The following GNB1L variants were observed in gnomAD, a reference collection of about 807,000 sequenced individuals.
GNB1L encodes guanine nucleotide-binding protein subunit beta-like protein 1.
In GNB1L, 20 loss-of-function variants were observed where a neutral mutation model predicts 29.1. That is an observed-to-expected ratio of 0.69 (90% CI 0.48 to 1.00). The LOEUF is 1.00. Ranked by LOEUF, GNB1L falls within the 50% of genes least tolerant of loss-of-function variation. The pLI is 0.00. For synonymous variants in GNB1L, 193 were observed against 206.5 expected, an observed-to-expected ratio of 0.93 and a Z score of 0.56; for missense variants, 421 against 464.9, an observed-to-expected ratio of 0.91 and a Z score of 0.87.
intron 7 of GNB1L, chr22:19,792,803 G>A (rs1419183409): frequency 2.2e-6 from 3 of 1,365,978 alleles, no homozygotes; most frequent in Non-Finnish European, 3.1e-6. Flanking sequence ...TTGTCTTCTT[G>A]CCTGCCTTGT....
At chr22:19,809,611 A>G (rs1158777418) in intron 5 of GNB1L, among the ~76,000 whole-genome samples, 1 of 151,966 alleles carries the variant, frequency 6.6e-6, no homozygotes, top group Non-Finnish European at 1.5e-5. Flanking sequence ...GTAAACATTC[A>G]CCCCTAGACA....
intron 7 of GNB1L, chr22:19,792,805 C>T: frequency 1.5e-6 from 2 of 1,359,222 alleles, no homozygotes; most frequent in Non-Finnish European, 2.1e-6. Context: ...GTCTTCTTGC[C>T]TGCCTTGTGT....
At chr22:19,851,640 G>C in intron 2 of GNB1L, 1 of 1,594,558 alleles carries the variant, frequency 6.3e-7, no homozygotes, top group South Asian at 1.1e-5. Flanking sequence ...ACAGGCAGCT[G>C]AGGGGCCACT....
In GNB1L at chr22:19,788,970, T is replaced by C. The variant is rs773515813; in HGVS notation, c.733-10A>G. On this transcript the variant is annotated splice_polypyrimidine_tract_variant and intron_variant, in intron 7 of 7. Transcript: ENST00000329517. ...CATGAGTCCCACGCACCTGTGAGAGTTGGGAGAGGTGTTAGGCCACTCCTT... is the reference window on the plus strand; with the variant it reads ...CATGAGTCCCACGCACCTGTGAGAGCTGGGAGAGGTGTTAGGCCACTCCTT... The C allele has an allele frequency of 6.3e-7, 1 of 1,591,582 alleles. No individual in the cohort carries two copies. The highest frequency in any genetic ancestry group is 2.2e-5 in the East Asian group (1 of 44,494).
rs866262973 is a variant in GNB1L, at chr22:19,787,450, G to C, written c.*1259C>G. On this transcript the variant is annotated 3_prime_UTR_variant, in exon 8 of 8. Transcript: ENST00000329517. ...GGCCACCTGGATCCCACACCCTTCC[G>C]ATCCGTCCCACACATGTTCAGATTT... 6.6e-6 allele frequency: 1 copy of C among 152,570 alleles called. No homozygotes were observed. The highest frequency in any genetic ancestry group is 6.5e-5 in the Admixed American group (1 of 15,292). The allele number at this position is 152,570 out of a possible 1,614,324, so 9.5% of individuals were successfully genotyped here.
At chr22:19,854,354 G>C (rs902174641) in intron 2 of GNB1L, 89 bp downstream of exon 2, 1 of 152,800 alleles carries the variant, frequency 6.5e-6, no homozygotes, top group Non-Finnish European at 1.5e-5. Context: ...AGCAAGCTGA[G>C]TGCAGACGAC....
rs1601336782 is a variant in GNB1L at position 19,821,451 on chromosome 22, G to GA, written c.-20-77_-20-76insT. The GA allele has an allele frequency of 2.1e-6, 3 of 1,423,810 alleles. No homozygotes were observed. The East Asian group carries it at 6.9e-5, about 33-fold the overall frequency. The allele number at this position is 1,423,810 out of a possible 1,614,324, so 88.2% of individuals were successfully genotyped here. ...CTAGGAAGGCTGCTCAGGCACAGGG[G>GA]TGCTTGAGATGTTGCCCCTGCTCAT... On this transcript the variant is annotated intron_variant, in intron 2 of 7. Coordinates refer to ENST00000329517, the MANE Select transcript of GNB1L (RefSeq NM_053004.3).
Position 19,846,092 on chromosome 22 carries a change from G to A in GNB1L, c.-21+8351C>T. 2 of 152,166 alleles carry A rather than the reference G, an allele frequency of 1.3e-5. 1 individual carries two copies. Among genetic ancestry groups the A allele is most frequent in the Admixed American group, 1.3e-4 (2 of 15,280 alleles). The allele number at this position is 152,166 out of a possible 1,614,324, so 9.4% of individuals were successfully genotyped here. A position where few individuals can be genotyped will look rare whatever the true frequency, so the allele number is the denominator to read the frequency against. ...AAAAGGTGAAATGGGATCCCCTGTT[G>A]GTCAGGACATAATAGGTTATGCTGT... On this transcript the variant is annotated intron_variant, in intron 2 of 7. Coordinates refer to ENST00000329517, the MANE Select transcript of GNB1L (RefSeq NM_053004.3).
At chr22:19,842,751 CCT>C (rs1937884052) in intron 2 of GNB1L, among the ~76,000 whole-genome samples, 1 of 152,228 alleles carries the variant, frequency 6.6e-6, no homozygotes, top group African/African-American at 2.4e-5. Flanking sequence ...GCTGCACCTC[CCT>C]GTTTGGACCC....
At chr22:19,824,878 A>G (rs1937607513) in intron 2 of GNB1L, among the ~76,000 whole-genome samples, 2 of 152,192 alleles carry the variant, frequency 1.3e-5, no homozygotes, top group South Asian at 2.1e-4. Context: ...TACCCAAGAC[A>G]TTCTTGGGCT....
At chr22:19,803,926 C>T (rs1009231479) in intron 6 of GNB1L, among the ~76,000 whole-genome samples, 11 of 152,260 alleles carry the variant, frequency 7.2e-5, no homozygotes, top group South Asian at 2.1e-4. Flanking sequence ...CTCCCATCAC[C>T]GATGTCCTTC....
In GNB1L at chr22:19,802,721, C is replaced by T. The variant is rs545022184; in HGVS notation, c.517-505G>A. 2.4e-4 allele frequency among the ~76,000 whole-genome samples: 36 copies of T among 152,350 alleles called. 1 individual carries two copies. Among genetic ancestry groups the T allele is most frequent in the South Asian group, 1.9e-3 (9 of 4,830 alleles). On this transcript the variant is annotated intron_variant, in intron 6 of 7. Coordinates refer to ENST00000329517, the MANE Select transcript of GNB1L (RefSeq NM_053004.3). Reference sequence around the variant, plus strand: ...TCTAGAGCCGCCAGCCAGAAGAAACCGTGAGCTCCATCTCCATGAAAAATG... The same window carrying T: ...TCTAGAGCCGCCAGCCAGAAGAAACTGTGAGCTCCATCTCCATGAAAAATG...
rs1937169073 is a variant in GNB1L at position 19,784,094 on chromosome 22, G to A, written c.*4615C>T. The A allele has an allele frequency of 6.6e-6, 1 of 152,218 alleles. No homozygotes were observed. Among genetic ancestry groups the A allele is most frequent in the African/African-American group, 2.4e-5 (1 of 41,400 alleles). 9.4% of individuals were successfully genotyped at this position (152,218 alleles called of 1,614,324 possible). ...GCAAAGTTTTCACCGGTGCCGGCTT[G>A]TTGTCTTCCACGCTGGGATTTCACA... On this transcript the variant is annotated 3_prime_UTR_variant, in exon 8 of 8. Coordinates refer to ENST00000329517, the MANE Select transcript of GNB1L (RefSeq NM_053004.3).
chr22:19,795,977 C>T (rs767613369), intron 7 of GNB1L, among the ~76,000 whole-genome samples: 4 of 151,700 alleles, frequency 2.6e-5, no homozygotes, highest in African/African-American at 7.3e-5. Context: ...CGCTCACACA[C>T]GACATGCAAT....
chr22:19,809,041 A>AC (rs1379368547), intron 5 of GNB1L, among the ~76,000 whole-genome samples: 1 of 150,982 alleles, frequency 6.6e-6, no homozygotes, highest in Non-Finnish European at 1.5e-5. Context: ...CAAGGGCTCC[A>AC]CCCCCGGGCC....
rs572852392 is a variant in GNB1L, at chr22:19,802,201, G to A, written c.532C>T (p.Arg178Cys). Residue 178 changes from arginine to cysteine, a missense_variant, in exon 7 of 8, where the codon CGC becomes TGC. By Grantham distance (180) the Arg-to-Cys change is radical. Coordinates refer to ENST00000329517, the MANE Select transcript of GNB1L (RefSeq NM_053004.3). The part of the protein sequence containing the change: ...LRLWQADCSS[R>C]PLLLAGYEDG... ...TCATAGCCGGCCAGAAGGAGTGGGC[G>A]GGAGCTGCAGTCGGCCTGCGGGGAA... 77 of 1,612,686 alleles carry A rather than the reference G, an allele frequency of 4.8e-5. No individual in the cohort carries two copies. The highest frequency in any genetic ancestry group is 3.6e-4 in the African/African-American group (27 of 75,060).
At chr22:19,808,118 G>A (rs1160762115) in intron 5 of GNB1L, among the ~76,000 whole-genome samples, 1 of 152,130 alleles carries the variant, frequency 6.6e-6, no homozygotes, top group Non-Finnish European at 1.5e-5. Flanking sequence ...TGACAGCAGG[G>A]CTTCTGCTCC....
chr22:19,790,389 CGA>C (rs1413483514), intron 7 of GNB1L, among the ~76,000 whole-genome samples: 1 of 151,990 alleles, frequency 6.6e-6, no homozygotes, highest in African/African-American at 2.4e-5. Flanking sequence ...ACCTCATCCC[CGA>C]GAGATTATCT....
chr22:19,852,208 G>A (rs758751942), intron 2 of GNB1L: 7 of 1,613,568 alleles, frequency 4.3e-6, no homozygotes, highest in East Asian at 4.5e-5. Context: ...CATAATTGGC[G>A]GCTGCCCAGA....
Sources: allele counts gnomAD v4.1 joint callset (sites outside exome capture counted in the v4.1 genomes callset), GRCh38; gene constraint gnomAD v4.1.1; transcripts MANE v1.5; gene names NCBI Gene and HGNC (gene_info 2026-07-23, HGNC 2026-07-21).